PCDH9: variants seen among roughly 807,000 people sequenced by gnomAD.
The protein encoded by PCDH9 is protocadherin 9.
PCDH9 carries 24 observed loss-of-function variants against 70.6 expected under a neutral mutation model. That is an observed-to-expected ratio of 0.34 (90% CI 0.25 to 0.48). The LOEUF is 0.48. Among genes scored for constraint, PCDH9 ranks in the 20% least tolerant of loss-of-function variants. The probability of loss-of-function intolerance (pLI) is 0.99; values close to 1 mark genes in which losing one functional copy is unlikely to be tolerated. For synonymous variants in PCDH9, 562 were observed against 558.5 expected, an observed-to-expected ratio of 1.01 and a Z score of -0.09; for missense variants, 1,281 against 1,503.6, an observed-to-expected ratio of 0.85 and a Z score of 2.45.
intron 4 of PCDH9, among the ~76,000 whole-genome samples, chr13:66,452,613 C>T (rs1958236372): frequency 6.6e-6 from 1 of 152,066 alleles, no homozygotes. Context: ...GACCTTTAGT[C>T]TTCTCAATCT....
At chr13:66,537,358 A>T (rs1489009835) in intron 4 of PCDH9, among the ~76,000 whole-genome samples, 1 of 152,112 alleles carries the variant, frequency 6.6e-6, no homozygotes, top group Non-Finnish European at 1.5e-5. Context: ...ATTAGCATAT[A>T]TTTCACATAA....
intron 3 of PCDH9, among the ~76,000 whole-genome samples, chr13:66,881,807 G>A (rs913911793): frequency 5.9e-5 from 9 of 152,064 alleles, no homozygotes; most frequent in African/African-American, 2.2e-4. Context: ...ATGGGACAAA[G>A]AAATAAAACA....
intron 2 of PCDH9, among the ~76,000 whole-genome samples, chr13:66,931,961 T>G (rs933627050): frequency 6.6e-6 from 1 of 152,088 alleles, no homozygotes; most frequent in Non-Finnish European, 1.5e-5. Context: ...TTTATGTGTG[T>G]GGGTGTATGT....
intron 4 of PCDH9, among the ~76,000 whole-genome samples, chr13:66,309,876 A>C (rs1955532589): frequency 6.6e-6 from 1 of 151,612 alleles, no homozygotes; most frequent in Non-Finnish European, 1.5e-5. Context: ...TTTTTTCATA[A>C]ATTTTATAAT....
chr13:66,859,190 T>C (rs1034662730), intron 3 of PCDH9: 3 of 152,118 alleles, frequency 2.0e-5, no homozygotes, highest in African/African-American at 7.2e-5. Context: ...AAGTAGAAAA[T>C]ACAAGTGAAA....
intron 4 of PCDH9, among the ~76,000 whole-genome samples, chr13:66,380,996 T>A (rs775141533): frequency 2.0e-5 from 3 of 152,350 alleles, no homozygotes; most frequent in Non-Finnish European, 1.5e-5. Flanking sequence ...ACAAAAAAAG[T>A]GTTTCTATCA....
At chr13:67,030,413 A>G (rs2084880588) in intron 2 of PCDH9, among the ~76,000 whole-genome samples, 1 of 152,190 alleles carries the variant, frequency 6.6e-6, no homozygotes, top group African/African-American at 2.4e-5. Context: ...CTACTGTGCT[A>G]TCAAACACTC....
rs149347872 is a variant in PCDH9 at position 66,325,382 on chromosome 13, T to A, written c.3341-20354A>T. Among the ~76,000 whole-genome samples the A allele has an allele frequency of 7.0e-4, 106 of 152,138 alleles. 1 individual carries two copies. In the East Asian group the frequency reaches 0.02, roughly 29 times the overall value. ...TTAAGGTTAAAAGGCATTCATGATG[T>A]CTCTAGGACTTATGACGAGTTTTCT... On this transcript the variant is annotated intron_variant, in intron 4 of 4. Coordinates refer to ENST00000377865, the MANE Select transcript of PCDH9 (RefSeq NM_203487.3).
chr13:67,159,679 G>A (rs1409957672), intron 2 of PCDH9, among the ~76,000 whole-genome samples: 3 of 152,176 alleles, frequency 2.0e-5, no homozygotes, highest in Admixed American at 6.5e-5. Flanking sequence ...GGCAGGTGGT[G>A]AATGCTTTTT....
At chr13:66,714,363 G>C (rs2078841060) in intron 3 of PCDH9, among the ~76,000 whole-genome samples, 1 of 151,804 alleles carries the variant, frequency 6.6e-6, no homozygotes, top group Non-Finnish European at 1.5e-5. Flanking sequence ...TACTTGGGAG[G>C]CTGAGGCAGG....
intron 4 of PCDH9, among the ~76,000 whole-genome samples, chr13:66,415,151 A>T (rs1019295563): frequency 3.9e-5 from 6 of 152,160 alleles, no homozygotes; most frequent in Non-Finnish European, 7.4e-5. Flanking sequence ...TAATTTTAAA[A>T]ACTAGCATTC....
chr13:67,229,494 G>A (rs563865327), intron 1 of PCDH9, among the ~76,000 whole-genome samples: 2 of 152,246 alleles, frequency 1.3e-5, no homozygotes, highest in East Asian at 1.9e-4. Context: ...CAGGTAAAAA[G>A]GCTTCTGCTT....
At chr13:66,378,957 A>G (rs1160899852) in intron 4 of PCDH9, among the ~76,000 whole-genome samples, 1 of 152,216 alleles carries the variant, frequency 6.6e-6, no homozygotes, top group African/African-American at 2.4e-5. Context: ...CAAGCTGTCA[A>G]TATCTGGCCT....
chr13:66,700,141 C>T (rs559492624), intron 3 of PCDH9, among the ~76,000 whole-genome samples: 2 of 151,646 alleles, frequency 1.3e-5, no homozygotes, highest in Middle Eastern at 3.4e-3. Flanking sequence ...TAGCAAACCC[C>T]GGCACCTGTA....
chr13:66,319,126 C>A (rs1168686516), intron 4 of PCDH9, among the ~76,000 whole-genome samples: 2 of 152,132 alleles, frequency 1.3e-5, no homozygotes, highest in African/African-American at 4.8e-5. Context: ...AATCAAGGAC[C>A]TTCTTCACAA....
intron 4 of PCDH9, among the ~76,000 whole-genome samples, chr13:66,498,476 A>G (rs1415517950): frequency 2.0e-5 from 3 of 152,074 alleles, no homozygotes; most frequent in African/African-American, 7.2e-5. Context: ...TTGAAAGAAT[A>G]TAGGGAAGAA....
chr13:67,051,517 C>T (rs902263094), intron 2 of PCDH9, among the ~76,000 whole-genome samples: 6 of 150,350 alleles, frequency 4.0e-5, no homozygotes, highest in Non-Finnish European at 8.9e-5. Context: ...CTCAGCCTCC[C>T]GAATAGCTGG....
intron 4 of PCDH9, among the ~76,000 whole-genome samples, chr13:66,542,672 A>AT (rs1296217053): frequency 7.6e-6 from 1 of 131,432 alleles, no homozygotes; most frequent in Non-Finnish European, 1.6e-5. Context: ...ATATATATAT[A>AT]TTTAAATATA....
chr13:66,579,129 C>T (rs1225129431), intron 4 of PCDH9, among the ~76,000 whole-genome samples: 1 of 151,964 alleles, frequency 6.6e-6, no homozygotes, highest in Non-Finnish European at 1.5e-5. Flanking sequence ...TCTACAGGTA[C>T]GTGGTTCCTT....
Sources: allele counts gnomAD v4.1 joint callset (sites outside exome capture counted in the v4.1 genomes callset), GRCh38; gene constraint gnomAD v4.1.1; transcripts MANE v1.5; gene names NCBI Gene and HGNC (gene_info 2026-07-23, HGNC 2026-07-21).